DCLK1: variants seen among roughly 807,000 people sequenced by gnomAD.
The protein encoded by DCLK1 is serine/threonine-protein kinase DCLK1.
DCLK1 carries 16 observed loss-of-function variants against 86.2 expected under a neutral mutation model. That is an observed-to-expected ratio of 0.19 (90% CI 0.13 to 0.28). The LOEUF is 0.28. Ranked by LOEUF, DCLK1 falls within the 10% of genes least tolerant of loss-of-function variation. The pLI, the probability that DCLK1 is intolerant of heterozygous loss-of-function variation, is 1.00. For synonymous variants in DCLK1, 369 were observed against 370.5 expected (o/e 1.00, Z 0.05); for missense variants, 590 against 940.2 (o/e 0.63, Z 4.87).
chr13:35,934,311 C>T (rs1876633088), intron 4 of DCLK1, among the ~76,000 whole-genome samples: 1 of 152,200 alleles, frequency 6.6e-6, no homozygotes, highest in African/African-American at 2.4e-5. Flanking sequence ...TTCTTAGCAG[C>T]ACCCCACTCT....
At chr13:35,868,770 T>C (rs900519907) in intron 5 of DCLK1, among the ~76,000 whole-genome samples, 6 of 152,152 alleles carry the variant, frequency 3.9e-5, no homozygotes, top group Non-Finnish European at 8.8e-5. Context: ...GAGTTCACCC[T>C]ATAGCCCAGA....
intron 12 of DCLK1, among the ~76,000 whole-genome samples, chr13:35,810,379 T>G (rs555838272): frequency 6.6e-6 from 1 of 152,240 alleles, no homozygotes; most frequent in Admixed American, 6.5e-5. Context: ...CCTAAGGGTG[T>G]TTGTACTCCA....
chr13:35,901,254 A>T (rs1398337571), intron 4 of DCLK1, among the ~76,000 whole-genome samples: 2 of 152,278 alleles, frequency 1.3e-5, no homozygotes, highest in Non-Finnish European at 2.9e-5. Context: ...TGGGAGGCCA[A>T]TGCAGGTGGA....
At chr13:36,045,954 A>T (rs72621280) in intron 3 of DCLK1, among the ~76,000 whole-genome samples, 1 of 152,090 alleles carries the variant, frequency 6.6e-6, no homozygotes, top group South Asian at 2.1e-4. Flanking sequence ...TTCTTAGTAC[A>T]GTTTAGGTTA....
chr13:35,843,313 A>G (rs560074616), intron 6 of DCLK1, among the ~76,000 whole-genome samples: 14 of 152,284 alleles, frequency 9.2e-5, no homozygotes, highest in African/African-American at 3.1e-4. Context: ...ACCCCCAAGC[A>G]GATTTAATGG....
intron 11 of DCLK1, among the ~76,000 whole-genome samples, chr13:35,813,491 A>G (rs905085412): frequency 1.3e-5 from 2 of 152,212 alleles, no homozygotes; most frequent in African/African-American, 4.8e-5. Context: ...ACATATAGCC[A>G]TAGACCAATT....
At chr13:35,795,956 A>G (rs2086801686) in intron 15 of DCLK1, among the ~76,000 whole-genome samples, 1 of 152,000 alleles carries the variant, frequency 6.6e-6, no homozygotes, top group Non-Finnish European at 1.5e-5. Context: ...CAACAACAAA[A>G]AACCAACAAC....
At chr13:35,929,863 C>CTTT (rs375433797) in intron 4 of DCLK1, among the ~76,000 whole-genome samples, 10,376 of 142,040 alleles carry the variant, frequency 0.073, 952 homozygotes, top group East Asian at 0.22. Context: ...CATTTTTTTT[C>CTTT]TTTTTTTTTT....
intron 5 of DCLK1, 55 bp downstream of exon 5, chr13:35,871,169 C>T (rs1872248469): frequency 2.1e-6 from 3 of 1,431,972 alleles, no homozygotes; most frequent in Admixed American, 3.5e-5. Context: ...ACACCCTCTG[C>T]TCATCCTGTG....
At chr13:36,069,342 C>G (rs1276243148) in intron 3 of DCLK1, among the ~76,000 whole-genome samples, 1 of 152,086 alleles carries the variant, frequency 6.6e-6, no homozygotes, top group Non-Finnish European at 1.5e-5. Flanking sequence ...GTAACTATGC[C>G]AACATGCAAC....
chr13:35,774,714 A>T lies in DCLK1; in HGVS notation c.2059-15T>A. 1 of 1,608,958 alleles carries T rather than the reference A, an allele frequency of 6.2e-7. No homozygotes were observed. Among genetic ancestry groups the T allele is most frequent in the Non-Finnish European group, 8.5e-7 (1 of 1,177,224 alleles). On this transcript the variant is annotated splice_polypyrimidine_tract_variant and intron_variant, in intron 16 of 16. Coordinates refer to ENST00000360631, the MANE Select transcript of DCLK1 (RefSeq NM_001330071.2). ...AGAGCGGTGGTCTAGCAGGGGCATA[A>T]AATGAGAAAGAGGACAATTAGGGCG...
At chr13:36,031,538 T>A (rs1262476309) in intron 3 of DCLK1, among the ~76,000 whole-genome samples, 1 of 152,236 alleles carries the variant, frequency 6.6e-6, no homozygotes, top group African/African-American at 2.4e-5. Flanking sequence ...TGTGATTTTA[T>A]TGCCAGCAGG....
chr13:35,787,958 T>G, intron 16 of DCLK1: 1 of 478,976 alleles, frequency 2.1e-6, no homozygotes, highest in Non-Finnish European at 3.8e-6. Flanking sequence ...TATACTGTCC[T>G]TTTAACCATA....
intron 15 of DCLK1, among the ~76,000 whole-genome samples, chr13:35,799,125 A>G (rs1266271883): frequency 6.6e-6 from 1 of 152,172 alleles, no homozygotes; most frequent in Non-Finnish European, 1.5e-5. Flanking sequence ...ATCATCTGTG[A>G]GCTTTTAAAA....
At chr13:35,965,790 C>A (rs997907936) in intron 3 of DCLK1, among the ~76,000 whole-genome samples, 1 of 152,166 alleles carries the variant, frequency 6.6e-6, no homozygotes, top group African/African-American at 2.4e-5. Flanking sequence ...CTCTCTCTCT[C>A]TCTCAGCCGT....
intron 3 of DCLK1, among the ~76,000 whole-genome samples, chr13:36,002,620 G>A (rs1880769440): frequency 6.6e-6 from 1 of 152,056 alleles, no homozygotes; most frequent in Admixed American, 6.6e-5. Context: ...ATACTTGCTG[G>A]GAGATCAAGA....
chr13:35,981,869 C>T (rs1879660410), intron 3 of DCLK1, among the ~76,000 whole-genome samples: 1 of 152,166 alleles, frequency 6.6e-6, no homozygotes, highest in South Asian at 2.1e-4. Flanking sequence ...CTGTCACCCT[C>T]TTTTCCATGG....
At chr13:35,792,251 C>T (rs1003872682) in intron 16 of DCLK1, among the ~76,000 whole-genome samples, 1 of 152,106 alleles carries the variant, frequency 6.6e-6, no homozygotes, top group Non-Finnish European at 1.5e-5. Context: ...GCAAACAGTA[C>T]GAGGGTGTGT....
At chr13:35,827,942 T>C (rs10507431) in intron 9 of DCLK1, among the ~76,000 whole-genome samples, 188 bp from the exon 10 acceptor site, 36,631 of 152,152 alleles carry the variant, frequency 0.24, 4,709 homozygotes, top group Middle Eastern at 0.34. Flanking sequence ...CCTTACATAA[T>C]GCTTGCAAAT....
Sources: allele counts gnomAD v4.1 joint callset (sites outside exome capture counted in the v4.1 genomes callset), GRCh38; gene constraint gnomAD v4.1.1; transcripts MANE v1.5; gene names NCBI Gene and HGNC (gene_info 2026-07-23, HGNC 2026-07-21).